ALG9: variants seen among roughly 807,000 people sequenced by gnomAD.
The protein encoded by ALG9 is ALG9 alpha-1,2-mannosyltransferase, also known as alpha-1,2-mannosyltransferase ALG9.
A neutral mutation model predicts 81.8 loss-of-function variants in ALG9; 55 were observed. That is an observed-to-expected ratio of 0.67 (90% confidence interval 0.54 to 0.84). The LOEUF (loss-of-function observed/expected upper bound fraction) is 0.84, where lower values mean the gene tolerates loss of function less well. ALG9 is among the 40% of genes least tolerant of loss of function. ALG9 has a pLI of 0.00. For synonymous variants in ALG9, 278 were observed against 274.3 expected, an observed-to-expected ratio of 1.01 and a Z score of -0.13; for missense variants, 629 against 745.0, an observed-to-expected ratio of 0.84 and a Z score of 1.81.
the ALG9 span, among the ~76,000 whole-genome samples, chr11:111,771,683 T>G: frequency 6.6e-6 from 1 of 152,254 alleles, no homozygotes; most frequent in Admixed American, 6.5e-5. Flanking sequence ...CACGGAAGCA[T>G]TTTCCAACTG....
intron 14 of ALG9, among the ~76,000 whole-genome samples, chr11:111,791,596 C>T (rs1947420315): frequency 6.6e-6 from 1 of 152,220 alleles, no homozygotes; most frequent in Non-Finnish European, 1.5e-5. Flanking sequence ...TAGCCCTTGC[C>T]TGATTGTTCC....
At chr11:111,869,073 G>C (rs192664307) in intron 2 of ALG9, among the ~76,000 whole-genome samples, 273 of 152,284 alleles carry the variant, frequency 1.8e-3, no homozygotes, top group Admixed American at 2.7e-3. Flanking sequence ...AGTGAACCTA[G>C]ATCATGCCAC....
rs2136158789 is a variant in ALG9 at position 111,782,601 on chromosome 11, C to T, written c.*3796G>A. On this transcript the variant is annotated 3_prime_UTR_variant, in exon 15 of 15. Transcript: ENST00000616540. ...CCAAGATTAAATTGTACCTCTTCTCCCTCTTCAGAGAAAATAAAATTAACC... is the reference window on the plus strand; with the variant it reads ...CCAAGATTAAATTGTACCTCTTCTCTCTCTTCAGAGAAAATAAAATTAACC... 1 of 152,546 alleles carries T rather than the reference C, an allele frequency of 6.6e-6. No homozygotes were observed. Among genetic ancestry groups the T allele is most frequent in the South Asian group, 2.1e-4 (1 of 4,828 alleles). 9.4% of individuals were successfully genotyped at this position (152,546 alleles called of 1,614,324 possible).
intron 6 of ALG9, 130 bp from the exon 7 acceptor site, chr11:111,853,866 T>A: frequency 1.3e-6 from 1 of 797,818 alleles, no homozygotes; most frequent in South Asian, 1.4e-5. Flanking sequence ...AAACCTGGTA[T>A]GTGAGAGGAT....
chr11:111,838,175 A>G, intron 11 of ALG9, 74 bp downstream of exon 11: 1 of 1,571,974 alleles, frequency 6.4e-7, no homozygotes, highest in Non-Finnish European at 8.7e-7. Flanking sequence ...TATGTATTAT[A>G]TAATCATGAA....
intron 13 of ALG9, chr11:111,828,765 C>T (rs1256708766): frequency 6.6e-6 from 1 of 152,126 alleles, no homozygotes; most frequent in African/African-American, 2.4e-5. Flanking sequence ...ACAGTGACAG[C>T]CCCCATTACA....
chr11:111,794,038 G>A (rs1228947361), intron 14 of ALG9, among the ~76,000 whole-genome samples: 2 of 152,358 alleles, frequency 1.3e-5, no homozygotes, highest in East Asian at 3.9e-4. Flanking sequence ...ATTCAAGGAT[G>A]AAACAGATCT....
downstream of ALG9, among the ~76,000 whole-genome samples, chr11:111,781,470 C>G (rs950619343): frequency 6.6e-6 from 1 of 152,094 alleles, no homozygotes; most frequent in African/African-American, 2.4e-5. Flanking sequence ...CTTCTGACAA[C>G]CCCAACAAAG....
At chr11:111,865,145 TCA>T in intron 4 of ALG9, 34 bp downstream of exon 4, 1 of 1,476,284 alleles carries the variant, frequency 6.8e-7, no homozygotes, top group South Asian at 1.3e-5. Flanking sequence ...ATGGGTTTCC[TCA>T]CAGCACTTTT....
chr11:111,864,648 T>C (rs185622499), intron 4 of ALG9, among the ~76,000 whole-genome samples: 3 of 152,192 alleles, frequency 2.0e-5, no homozygotes, highest in Non-Finnish European at 4.4e-5. Flanking sequence ...TTCACAAGGG[T>C]AACTGTTTTA....
chr11:111,869,797 C>T (rs568415040), intron 2 of ALG9, among the ~76,000 whole-genome samples: 7 of 152,224 alleles, frequency 4.6e-5, no homozygotes, highest in African/African-American at 1.4e-4. Flanking sequence ...ATACCAGCCT[C>T]GGTGACATAA....
At chr11:111,862,913 A>G (rs1960853448) in intron 4 of ALG9, among the ~76,000 whole-genome samples, 1 of 151,854 alleles carries the variant, frequency 6.6e-6, no homozygotes, top group Non-Finnish European at 1.5e-5. Flanking sequence ...GCTGATTCTC[A>G]CCCATAATGT....
chr11:111,774,867 G>A, the ALG9 span, among the ~76,000 whole-genome samples: 3,294 of 152,170 alleles, frequency 0.022, 129 homozygotes, highest in African/African-American at 0.074. Context: ...GCTATTCCCT[G>A]TGTATCTCTG....
At chr11:111,847,658 T>C (rs939530194) in intron 8 of ALG9, among the ~76,000 whole-genome samples, 1 of 152,216 alleles carries the variant, frequency 6.6e-6, no homozygotes, top group Non-Finnish European at 1.5e-5. Context: ...TCTTGATCTC[T>C]GACCCCACAG....
chr11:111,854,263 ATT>A (rs34277511), intron 6 of ALG9, among the ~76,000 whole-genome samples: 911 of 83,210 alleles, frequency 0.011, 20 homozygotes, highest in Admixed American at 0.063. Flanking sequence ...GCCCTGGCTA[ATT>A]TTTTTTTTTT....
chr11:111,841,250 CCAAT>C (rs1264039402), intron 9 of ALG9, among the ~76,000 whole-genome samples: 4 of 152,140 alleles, frequency 2.6e-5, no homozygotes, highest in Admixed American at 1.3e-4. Context: ...TATCTATACA[CCAAT>C]CAGTCTGTTC....
chr11:111,861,446 G>A (rs1463531231), intron 4 of ALG9, among the ~76,000 whole-genome samples: 1 of 152,060 alleles, frequency 6.6e-6, no homozygotes, highest in East Asian at 1.9e-4. Context: ...TTGGTTGGTT[G>A]GTTTCCTTTC....
At chr11:111,849,415 T>C (rs1555134800) in intron 8 of ALG9, 1 of 152,216 alleles carries the variant, frequency 6.6e-6, no homozygotes, top group South Asian at 2.1e-4. Context: ...AGGCTTAGTA[T>C]GTTCTTACAC....
In ALG9 at chr11:111,794,659, CCTAT is replaced by C. The variant is rs199928322; in HGVS notation, c.1734-8143_1734-8140del. On this transcript the variant is annotated intron_variant, in intron 14 of 14. Transcript: ENST00000616540. ...TTTCTGTTTTTCTCTTCTCTCTCTA[CCTAT>C]CTATCTATCCATCCATCCATCCACC... is the stretch of plus-strand genomic sequence containing the variant. Among the ~76,000 whole-genome samples the C allele has an allele frequency of 1.7e-3, 257 of 152,142 alleles. 3 individuals carry two copies. Among genetic ancestry groups the C allele is most frequent in the South Asian group, 9.3e-3 (45 of 4,820 alleles).
Sources: gnomAD v4.1 joint callset for allele counts (sites outside exome capture counted in the v4.1 genomes callset) on GRCh38, gnomAD v4.1.1 for gene constraint, MANE v1.5 for transcripts, NCBI Gene and HGNC (gene_info 2026-07-23, HGNC 2026-07-21) for gene names.